Variants in TDG observed in about 807,000 individuals in gnomAD.
The protein encoded by TDG is G/T mismatch-specific thymine DNA glycosylase.
A neutral mutation model predicts 46.1 loss-of-function variants in TDG; 23 were observed. That is an observed-to-expected ratio of 0.50 (90% CI 0.36 to 0.71). The LOEUF (loss-of-function observed/expected upper bound fraction) is 0.71. Among genes scored for constraint, TDG ranks in the 30% least tolerant of loss-of-function variants. TDG has a pLI of 0.00. For missense variants in TDG, 304 were observed against 486.7 expected, an observed-to-expected ratio of 0.62 and a Z score of 3.53; for synonymous variants, 115 against 161.3, an observed-to-expected ratio of 0.71 and a Z score of 2.18.
intron 7 of TDG, among the ~76,000 whole-genome samples, chr12:103,983,962 T>G (rs1871988912): frequency 6.6e-6 from 1 of 152,178 alleles, no homozygotes; most frequent in Non-Finnish European, 1.5e-5. Flanking sequence ...TTTTGCTTCT[T>G]AGTTTTAGGT....
At chr12:103,982,756 C>A in intron 4 of TDG, 43 bp from the exon 5 acceptor site, 2 of 1,603,334 alleles carry the variant, frequency 1.2e-6, no homozygotes, top group Non-Finnish European at 1.7e-6. Context: ...CAGAGCGAGA[C>A]CCTGTCTAAA....
Position 103,966,058 on chromosome 12 carries a change from C to G in TDG, c.21C>G (p.Gly7=). The G allele has an allele frequency of 3.1e-6, 5 of 1,589,834 alleles. No individual in the cohort carries two copies. The highest frequency in any genetic ancestry group is 1.1e-5 in the South Asian group (1 of 88,366). ...GGGGAATGGAAGCGGAGAACGCGGG[C>G]AGGTAATACCGGGGCCAGCGCCGCC... is the stretch of plus-strand genomic sequence containing the variant. The part of the protein sequence containing the change: MEAENA[G]SYSLQQAQAF... Residue 7 remains glycine (G), a splice_region_variant and synonymous_variant, in exon 1 of 10, where the codon GGC becomes GGG. Coordinates refer to ENST00000392872, the MANE Select transcript of TDG (RefSeq NM_003211.6).
intron 2 of TDG, among the ~76,000 whole-genome samples, chr12:103,979,248 G>A (rs1871696351): frequency 6.6e-6 from 1 of 151,592 alleles, no homozygotes. Context: ...AATTACAGGT[G>A]CACGACACCA....
At position 103,985,705 on chromosome 12, in the gene TDG, G is replaced by A. The variant is rs547122152; in HGVS notation, c.1067G>A (p.Cys356Tyr). ...GAAAATCCATGCAGCAGTGAACCTT[G>A]TGGCTTCTCTTCAAATGGGCTAAGT... ...YGENPCSSEPCGFSSNGLIES... is the reference protein window; with the variant it reads ...YGENPCSSEPYGFSSNGLIES... Residue 356 changes from cysteine (C) to tyrosine (Y), a missense_variant, in exon 9 of 10, where the codon TGT (cysteine) becomes TAT (tyrosine). Physicochemically the swap from Cys to Tyr is radical, Grantham distance 194. Transcript: ENST00000392872. 2 of 1,613,776 alleles carry A rather than the reference G, an allele frequency of 1.2e-6. No individual in the cohort carries two copies. Among genetic ancestry groups the A allele is most frequent in the Non-Finnish European group, 1.7e-6 (2 of 1,179,814 alleles).
chr12:103,974,719 C>T (rs557759142), intron 1 of TDG, among the ~76,000 whole-genome samples: 25 of 151,928 alleles, frequency 1.6e-4, no homozygotes, highest in Non-Finnish European at 3.2e-4. Context: ...GCCTATAATC[C>T]CAGCACTTTG....
chr12:103,980,423 GC>G (rs1469738666), intron 3 of TDG: 1 of 258,860 alleles, frequency 3.9e-6, no homozygotes, highest in Non-Finnish European at 7.3e-6. Context: ...ACTGAATGAT[GC>G]CTGTGGAGAC....
chr12:103,971,011 A>G (rs895637428), intron 1 of TDG, among the ~76,000 whole-genome samples: 1 of 152,336 alleles, frequency 6.6e-6, no homozygotes, highest in Non-Finnish European at 1.5e-5. Flanking sequence ...CTTACATAGC[A>G]TTTACATTGT....
At chr12:103,981,906 A>G (rs1871856396) in intron 4 of TDG, among the ~76,000 whole-genome samples, 1 of 152,158 alleles carries the variant, frequency 6.6e-6, no homozygotes, top group Non-Finnish European at 1.5e-5. Flanking sequence ...TCCAGCTACT[A>G]CGGAGGCTGG....
chr12:103,979,680 G>T, intron 2 of TDG, 151 bp from the exon 3 acceptor site: 1 of 899,228 alleles, frequency 1.1e-6, no homozygotes, highest in South Asian at 2.1e-5. Flanking sequence ...AGAAAGGGAA[G>T]ATATTGCAGA....
intron 1 of TDG, among the ~76,000 whole-genome samples, chr12:103,975,690 C>G (rs997268310): frequency 7.9e-5 from 12 of 151,980 alleles, no homozygotes; most frequent in Non-Finnish European, 1.3e-4. Context: ...GAGACAGAAT[C>G]TTGCTCTGTC....
At chr12:103,983,438 T>G in intron 7 of TDG, 49 bp downstream of exon 7, 1 of 1,373,330 alleles carries the variant, frequency 7.3e-7, no homozygotes, top group Non-Finnish European at 9.9e-7. Context: ...TGAATTTTTT[T>G]CTAGATAATT....
intron 2 of TDG, among the ~76,000 whole-genome samples, chr12:103,978,730 T>G (rs913909514): frequency 6.6e-6 from 1 of 152,156 alleles, no homozygotes; most frequent in Admixed American, 6.5e-5. Flanking sequence ...TATAGGTCAG[T>G]GGTTTTCAAT....
chr12:103,983,245 T>G, intron 6 of TDG, 27 bp downstream of exon 6: 1 of 1,574,796 alleles, frequency 6.4e-7, no homozygotes, highest in Non-Finnish European at 8.6e-7. Context: ...AATTTTTTTT[T>G]TCTTTGCTAA....
chr12:103,985,075 A>ATC (rs1872060057), intron 8 of TDG, among the ~76,000 whole-genome samples, 155 bp downstream of exon 8: 1 of 132,886 alleles, frequency 7.5e-6, no homozygotes, highest in African/African-American at 2.5e-5. Flanking sequence ...GTATATATAC[A>ATC]TATATACACA....
chr12:103,981,087 T>C (rs1871799938), intron 4 of TDG, 125 bp downstream of exon 4: 2 of 779,670 alleles, frequency 2.6e-6, no homozygotes, highest in Non-Finnish European at 4.2e-6. Flanking sequence ...GTGTTTCATG[T>C]TCTGTGTGTG....
At chr12:103,982,772 A>AG in intron 4 of TDG, 27 bp from the exon 5 acceptor site, 2 of 1,610,934 alleles carry the variant, frequency 1.2e-6, no homozygotes, top group Non-Finnish European at 1.7e-6. Flanking sequence ...CTAAAAAAAA[A>AG]TAAATAACTG....
chr12:103,966,257 A>T (rs1871016206), intron 1 of TDG, among the ~76,000 whole-genome samples, 197 bp downstream of exon 1: 1 of 152,124 alleles, frequency 6.6e-6, no homozygotes, highest in Non-Finnish European at 1.5e-5. Context: ...GGCTGCTCTG[A>T]GGGTTACCTG....
intron 1 of TDG, among the ~76,000 whole-genome samples, chr12:103,971,061 A>G (rs934513028): frequency 6.6e-6 from 1 of 152,352 alleles, no homozygotes; most frequent in South Asian, 2.1e-4. Flanking sequence ...TCTAAAGTAT[A>G]TGGGAGGATC....
Position 103,978,213 on chromosome 12 carries a change from A to G in TDG, c.166+1153A>G, listed in dbSNP as rs118072305. ...TAGGAAACACTTAGGAGGTAGAATTACCTAGCCATGGCTAATGGGTTTCAT... is the reference window on the plus strand; with the variant it reads ...TAGGAAACACTTAGGAGGTAGAATTGCCTAGCCATGGCTAATGGGTTTCAT... On this transcript the variant is annotated intron_variant, in intron 2 of 9. Coordinates refer to ENST00000392872, the MANE Select transcript of TDG (RefSeq NM_003211.6). Among the ~76,000 whole-genome samples the G allele has an allele frequency of 4.5e-4, 69 of 152,120 alleles. 1 individual carries two copies. In the East Asian group the frequency reaches 0.012, roughly 27 times the overall value.
Sources: allele counts gnomAD v4.1 joint callset (sites outside exome capture counted in the v4.1 genomes callset), GRCh38; gene constraint gnomAD v4.1.1; transcripts MANE v1.5; gene names NCBI Gene and HGNC (gene_info 2026-07-23, HGNC 2026-07-21).